The following FER1L6 variants were observed in gnomAD, a reference collection of about 807,000 sequenced individuals.
The protein encoded by FER1L6 is fer-1 like family member 6, also known as fer-1-like protein 6.
Under a neutral mutation model 219.2 loss-of-function variants are expected in FER1L6, and 177 were observed. That is an observed-to-expected ratio of 0.81 (90% CI 0.71 to 0.91). The LOEUF (loss-of-function observed/expected upper bound fraction) is 0.91, where lower values mean the gene tolerates loss of function less well. Among genes scored for constraint, FER1L6 ranks in the 40% least tolerant of loss-of-function variants. The pLI is 0.00. For synonymous variants in FER1L6, 768 were observed against 824.3 expected, an observed-to-expected ratio of 0.93 and a Z score of 1.17; for missense variants, 2,153 against 2,259.9, an observed-to-expected ratio of 0.95 and a Z score of 0.96.
intron 1 of FER1L6, among the ~76,000 whole-genome samples, chr8:123,865,336 G>T (rs1446943766): frequency 4.0e-5 from 6 of 149,228 alleles, no homozygotes; most frequent in African/African-American, 7.6e-5. Flanking sequence ...CAGTCTGCCC[G>T]TTCTCAGATC....
chr8:123,859,459 T>G (rs117424698), intron 1 of FER1L6, among the ~76,000 whole-genome samples: 2 of 152,070 alleles, frequency 1.3e-5, no homozygotes, highest in East Asian at 3.8e-4. Flanking sequence ...TAACTGAAAC[T>G]TTCTACACTA....
intron 1 of FER1L6, among the ~76,000 whole-genome samples, chr8:123,932,618 T>A (rs1813815640): frequency 6.6e-6 from 1 of 152,128 alleles, no homozygotes. Flanking sequence ...TGCATTGGCG[T>A]AATGGTGGGG....
At chr8:123,939,359 A>G (rs1814137171) in intron 1 of FER1L6, among the ~76,000 whole-genome samples, 1 of 152,216 alleles carries the variant, frequency 6.6e-6, no homozygotes, top group African/African-American at 2.4e-5. Context: ...GAGCCTCCTT[A>G]TTAGTGGAAG....
chr8:123,948,561 G>A (rs1814603592), intron 1 of FER1L6, among the ~76,000 whole-genome samples: 1 of 152,012 alleles, frequency 6.6e-6, no homozygotes, highest in Non-Finnish European at 1.5e-5. Flanking sequence ...TTATTCCTGA[G>A]TTTTTGAATT....
chr8:123,910,417 C>A (rs1394362065), intron 1 of FER1L6, among the ~76,000 whole-genome samples: 1 of 152,132 alleles, frequency 6.6e-6, no homozygotes, highest in Non-Finnish European at 1.5e-5. Context: ...GGACCTAGGA[C>A]CTTTTTCGTT....
At chr8:124,115,871 T>C (rs1021918126) in intron 39 of FER1L6, among the ~76,000 whole-genome samples, 2 of 152,216 alleles carry the variant, frequency 1.3e-5, no homozygotes, top group African/African-American at 2.4e-5. Flanking sequence ...ACAAGTCCTA[T>C]TCACTTGACT....
intron 1 of FER1L6, among the ~76,000 whole-genome samples, chr8:123,856,326 A>G (rs535077274): frequency 1.3e-3 from 136 of 101,292 alleles, no homozygotes; most frequent in Middle Eastern, 5.6e-3. Flanking sequence ...GTATATATAT[A>G]TATATATATA....
chr8:124,036,457 C>G (rs994053061), intron 19 of FER1L6: 1 of 152,150 alleles, frequency 6.6e-6, no homozygotes, highest in African/African-American at 2.4e-5. Flanking sequence ...CTCAAATCAA[C>G]CCTGGGAAGA....
chr8:124,043,462 A>C (rs1480236511), intron 20 of FER1L6, among the ~76,000 whole-genome samples: 1 of 152,234 alleles, frequency 6.6e-6, no homozygotes, highest in Non-Finnish European at 1.5e-5. Flanking sequence ...CATTTAACTC[A>C]GTTATAATGC....
At chr8:123,943,692 G>A (rs1330872841) in intron 1 of FER1L6, among the ~76,000 whole-genome samples, 2 of 152,110 alleles carry the variant, frequency 1.3e-5, no homozygotes, top group Non-Finnish European at 2.9e-5. Context: ...GAGGTCTGTT[G>A]CTCTGCTTCT....
rs748498673 is a variant in FER1L6 at position 123,852,646 on chromosome 8, T to G, written c.-8+461T>G. Among the ~76,000 whole-genome samples, 1 of 152,154 alleles carries G rather than the reference T, an allele frequency of 6.6e-6. No homozygotes were observed. Among genetic ancestry groups the G allele is most frequent in the South Asian group, 2.1e-4 (1 of 4,830 alleles). On this transcript the variant is annotated intron_variant, in intron 1 of 40. Coordinates refer to ENST00000522917, the MANE Select transcript of FER1L6 (RefSeq NM_001039112.2). The surrounding 1 kb of genome is among the most constrained non-coding windows in gnomAD (Gnocchi z 4.9). ...GGCCTCTCACAAGATTGTTAGACTTTTAAAACATAAATTTTTATTTTACAG... is the reference window on the plus strand; with the variant it reads ...GGCCTCTCACAAGATTGTTAGACTTGTAAAACATAAATTTTTATTTTACAG...
intron 1 of FER1L6, among the ~76,000 whole-genome samples, chr8:123,922,518 A>C (rs746745): frequency 0.21 from 32,581 of 151,960 alleles, 4,011 homozygotes; most frequent in East Asian, 0.42. Context: ...GGGCCCCAGC[A>C]GCCCATCGTG....
chr8:123,928,926 G>A (rs1448065535), intron 1 of FER1L6, among the ~76,000 whole-genome samples: 1 of 152,172 alleles, frequency 6.6e-6, no homozygotes, highest in Non-Finnish European at 1.5e-5. Context: ...CCCAGGCAAG[G>A]TGTTTTTAAG....
chr8:123,968,561 A>G (rs541590889), intron 5 of FER1L6, among the ~76,000 whole-genome samples: 100 of 152,372 alleles, frequency 6.6e-4, no homozygotes, highest in African/African-American at 2.4e-3. Flanking sequence ...AAAGGAAGCC[A>G]CAGCATCTGG....
At chr8:123,915,786 G>A (rs1266889194) in intron 1 of FER1L6, among the ~76,000 whole-genome samples, 1 of 152,142 alleles carries the variant, frequency 6.6e-6, no homozygotes, top group African/African-American at 2.4e-5. Flanking sequence ...TCTTCTTAGA[G>A]GATATGCATC....
intron 1 of FER1L6, among the ~76,000 whole-genome samples, chr8:123,859,677 A>C (rs544157317): frequency 1.0e-5 from 1 of 99,358 alleles, no homozygotes; most frequent in East Asian, 2.8e-4. Context: ...CATTAGGTAT[A>C]TCTCCCAATG....
At chr8:123,971,530 G>A (rs533714313) in intron 6 of FER1L6, among the ~76,000 whole-genome samples, 14 of 152,272 alleles carry the variant, frequency 9.2e-5, no homozygotes, top group African/African-American at 3.1e-4. Flanking sequence ...TGGGACATGT[G>A]GACTTCTAGA....
rs754683402 is a variant in FER1L6 at position 124,103,178 on chromosome 8, C to T, written c.5158C>T (p.Arg1720Ter). Residue 1720 changes from arginine (R) to a stop codon, truncating the protein, a stop_gained, in exon 39 of 41, where the codon CGA (arginine) becomes TGA (stop). Coordinates refer to ENST00000522917, the MANE Select transcript of FER1L6 (RefSeq NM_001039112.2). LOFTEE classifies it high-confidence loss of function. ...GGAAATGAACCTCAACAGTTTCCCT[C>T]GAGCAGCTAAGTCTGCCAAAGCCTG... ...TLEMNLNSFP[R>*]AAKSAKACDL... 4 of 1,614,108 alleles carry T rather than the reference C, an allele frequency of 2.5e-6. No homozygotes were observed. Among genetic ancestry groups the T allele is most frequent in the South Asian group, 1.1e-5 (1 of 91,064 alleles).
At chr8:124,049,886 T>C (rs1475195151) in intron 22 of FER1L6, 130 bp downstream of exon 22, 2 of 935,668 alleles carry the variant, frequency 2.1e-6, no homozygotes, top group Admixed American at 1.9e-5. Context: ...ATGTGTCTCC[T>C]GGGGACCTGA....
Sources: allele counts gnomAD v4.1 joint callset (sites outside exome capture counted in the v4.1 genomes callset), GRCh38; gene constraint gnomAD v4.1.1; non-coding constraint Gnocchi (gnomAD v3.1); transcripts MANE v1.5; gene names NCBI Gene and HGNC (gene_info 2026-07-23, HGNC 2026-07-21).